Variants in TEK observed in about 807,000 individuals in gnomAD.
TEK encodes the protein TEK receptor tyrosine kinase.
A neutral mutation model predicts 131.8 loss-of-function variants in TEK; 43 were observed. The ratio of observed to expected loss-of-function variants is 0.33; its 90% CI spans 0.26 to 0.42. TEK has a LOEUF of 0.42. Among genes scored for constraint, TEK ranks in the 10% least tolerant of loss-of-function variants. The pLI, the probability that TEK is intolerant of heterozygous loss-of-function variation, is 1.00. For missense variants in TEK, 1,162 were observed against 1,384.4 expected (o/e 0.84, Z 2.55); for synonymous variants, 580 against 491.6 (o/e 1.18, Z -2.38).
In TEK at chr9:27,220,092, G is replaced by T. The variant is rs1313264330; in HGVS notation, c.3147G>T (p.Glu1049Asp). The change falls in exon 21 of 23, where the codon GAG becomes GAT. Residue 1049 changes from glutamate (E) to aspartate (D), a missense_variant. By Grantham distance (45) the Glu-to-Asp change is conservative. This residue lies in a region of TEK where 107 missense variants were observed against 173.9 expected (regional missense o/e 0.62). Coordinates refer to ENST00000380036, the MANE Select transcript of TEK (RefSeq NM_000459.5). ...YCGMTCAELY[E>D]KLPQGYRLEK... ...GGATGACTTGTGCAGAACTCTACGA[G>T]AAGCTGCCCCAGGGCTACAGACTGG... The T allele has an allele frequency of 6.2e-7, 1 of 1,613,974 alleles. No homozygotes were observed. The highest frequency in any genetic ancestry group is 1.3e-5 in the African/African-American group (1 of 74,910).
At chr9:27,186,889 G>T (rs7853837) in intron 9 of TEK, among the ~76,000 whole-genome samples, 46,719 of 152,014 alleles carry the variant, frequency 0.31, 7,415 homozygotes, top group African/African-American at 0.38. Flanking sequence ...TTTGGATTCT[G>T]TGCCCTGAGA....
intron 21 of TEK, among the ~76,000 whole-genome samples, chr9:27,221,258 G>A (rs969706271): frequency 5.3e-5 from 8 of 152,200 alleles, no homozygotes; most frequent in African/African-American, 1.9e-4. Flanking sequence ...TGAAAGAAAG[G>A]CAACAGCCAC....
chr9:27,154,832 C>G (rs1252485643), intron 1 of TEK, among the ~76,000 whole-genome samples: 2 of 152,182 alleles, frequency 1.3e-5, no homozygotes, highest in African/African-American at 2.4e-5. Flanking sequence ...TCCAGACTCC[C>G]AGAGGCCACA....
At chr9:27,127,052 T>C (rs1324945296) in intron 1 of TEK, among the ~76,000 whole-genome samples, 1 of 152,212 alleles carries the variant, frequency 6.6e-6, no homozygotes, top group Non-Finnish European at 1.5e-5. Flanking sequence ...TAGGTATACA[T>C]GTACCATGGT....
chr9:27,225,345 C>T (rs151116373), intron 21 of TEK, among the ~76,000 whole-genome samples: 1 of 152,250 alleles, frequency 6.6e-6, no homozygotes, highest in East Asian at 1.9e-4. Flanking sequence ...AACTATACTA[C>T]AAGGCTACAA....
chr9:27,165,487 C>T (rs1587540548), intron 2 of TEK, among the ~76,000 whole-genome samples: 1 of 152,100 alleles, frequency 6.6e-6, no homozygotes, highest in African/African-American at 2.4e-5. Context: ...TTATGGCTGG[C>T]TCATTTTAGT....
intron 1 of TEK, among the ~76,000 whole-genome samples, chr9:27,124,635 C>G (rs1361819850): frequency 6.6e-6 from 1 of 152,232 alleles, no homozygotes; most frequent in Non-Finnish European, 1.5e-5. Flanking sequence ...AATAATTCAA[C>G]CTATTATAAC....
At chr9:27,148,693 T>C (rs1254831233) in intron 1 of TEK, among the ~76,000 whole-genome samples, 2 of 152,250 alleles carry the variant, frequency 1.3e-5, no homozygotes, top group African/African-American at 2.4e-5. Flanking sequence ...CTTGATGGAA[T>C]GAAATGCAAA....
At chr9:27,135,364 G>C (rs1011416525) in intron 1 of TEK, among the ~76,000 whole-genome samples, 5 of 152,010 alleles carry the variant, frequency 3.3e-5, no homozygotes, top group African/African-American at 1.2e-4. Flanking sequence ...CTTGTGATGG[G>C]CTCTGTAGGG....
At chr9:27,197,256 C>T in intron 11 of TEK, 59 bp from the exon 12 acceptor site, 1 of 1,576,184 alleles carries the variant, frequency 6.3e-7, no homozygotes, top group Non-Finnish European at 8.7e-7. Flanking sequence ...TGGGTGGGGA[C>T]ACTAATCCAA....
intron 11 of TEK, among the ~76,000 whole-genome samples, chr9:27,196,485 C>T (rs553407282): frequency 3.9e-5 from 6 of 152,284 alleles, no homozygotes; most frequent in South Asian, 4.1e-4. Context: ...TGCCCTTTAG[C>T]GCTGTCATTG....
chr9:27,146,769 T>A (rs370823386), intron 1 of TEK, among the ~76,000 whole-genome samples: 1 of 146,428 alleles, frequency 6.8e-6, no homozygotes, highest in East Asian at 2.0e-4. Context: ...TTGCTCTGTC[T>A]CCCAGGCTGG....
intron 1 of TEK, among the ~76,000 whole-genome samples, chr9:27,134,870 G>A (rs10511799): frequency 0.23 from 34,706 of 152,060 alleles, 4,683 homozygotes; most frequent in Admixed American, 0.3. Flanking sequence ...TCAGAAATAC[G>A]TATGCTGCTG....
chr9:27,159,651 A>G lies in TEK; in HGVS notation c.364+1509A>G, dbSNP rs1007493684. 7.2e-5 allele frequency among the ~76,000 whole-genome samples: 11 copies of G among 152,352 alleles called. No homozygotes were observed. The East Asian group carries it at 2.1e-3, about 29-fold the overall frequency. ...GATGTGATGAAGTCTTCCTCCCAAA[A>G]TAAAAGTGGGCCTTAAGCTAAATCT... On this transcript the variant is annotated intron_variant, in intron 2 of 22. Coordinates refer to ENST00000380036, the MANE Select transcript of TEK (RefSeq NM_000459.5).
intron 1 of TEK, among the ~76,000 whole-genome samples, chr9:27,142,605 C>T (rs1822767016): frequency 6.6e-6 from 1 of 152,214 alleles, no homozygotes; most frequent in African/African-American, 2.4e-5. Context: ...GATTCATAGT[C>T]TTACATGTGG....
intron 4 of TEK, among the ~76,000 whole-genome samples, chr9:27,170,130 T>C (rs947210710): frequency 6.6e-6 from 1 of 152,082 alleles, no homozygotes; most frequent in Admixed American, 6.5e-5. Flanking sequence ...GGAAGCACCA[T>C]ATTAAACCAT....
intron 1 of TEK, among the ~76,000 whole-genome samples, chr9:27,136,359 C>T (rs545563155): frequency 2.0e-5 from 3 of 152,196 alleles, no homozygotes; most frequent in Admixed American, 1.3e-4. Flanking sequence ...GGATTACAGG[C>T]GTGAGCCACT....
intron 17 of TEK, 30 bp from the exon 18 acceptor site, chr9:27,213,454 G>A (rs749192615): frequency 6.4e-7 from 1 of 1,565,540 alleles, no homozygotes; most frequent in Non-Finnish European, 8.8e-7. Flanking sequence ...TCATTAGGCT[G>A]AAAATACATA....
intron 21 of TEK, among the ~76,000 whole-genome samples, chr9:27,223,912 A>G (rs1826192938): frequency 1.3e-5 from 2 of 152,348 alleles, no homozygotes; most frequent in Admixed American, 6.5e-5. Context: ...AGATGCAACA[A>G]AAATGATAAA....
Sources: allele counts gnomAD v4.1 joint callset (sites outside exome capture counted in the v4.1 genomes callset), GRCh38; gene constraint gnomAD v4.1.1; regional missense constraint gnomAD v4.1.1; transcripts MANE v1.5; gene names NCBI Gene and HGNC (gene_info 2026-07-23, HGNC 2026-07-21).